Variants in CFAP45 observed in about 807,000 individuals in gnomAD.
CFAP45 encodes cilia- and flagella-associated protein 45.
CFAP45 carries 43 observed loss-of-function variants against 75.6 expected under a neutral mutation model. That is an observed-to-expected ratio of 0.57 (90% CI 0.45 to 0.73). The LOEUF (loss-of-function observed/expected upper bound fraction) is 0.73. Among genes scored for constraint, CFAP45 ranks in the 30% least tolerant of loss-of-function variants. The pLI is 0.00. For synonymous variants in CFAP45, 223 were observed against 244.6 expected (o/e 0.91, Z 0.82); for missense variants, 689 against 701.5 (o/e 0.98, Z 0.20).
intron 10 of CFAP45, among the ~76,000 whole-genome samples, chr1:159,875,010 T>C (rs747838091): frequency 1.3e-5 from 2 of 152,152 alleles, no homozygotes; most frequent in African/African-American, 2.4e-5. Context: ...GTGGCAGAGA[T>C]GCTTCTGAGT....
chr1:159,887,954 T>C lies in CFAP45; in HGVS notation c.475A>G (p.Asn159Asp), dbSNP rs754709147. 1 of 1,614,244 alleles carries C rather than the reference T, an allele frequency of 6.2e-7. No homozygotes were observed. Among genetic ancestry groups the C allele is most frequent in the East Asian group, 2.2e-5 (1 of 44,882 alleles). ...MKQKEMVWNN[N>D]KKLSDLEEVA... ...TCCTCCAGGTCACTGAGCTTCTTGT[T>C]GTTGTTCCACACCATCTCCTTCTGT... Residue 159 changes from asparagine (N) to aspartate (D), a missense_variant, in exon 5 of 12, where the codon AAC (asparagine) becomes GAC (aspartate). By Grantham distance (23) the Asn-to-Asp change is conservative. Coordinates refer to ENST00000368099, the MANE Select transcript of CFAP45 (RefSeq NM_012337.3).
chr1:159,886,304 C>T (rs9782894), intron 6 of CFAP45, among the ~76,000 whole-genome samples: 88,365 of 151,446 alleles, frequency 0.58, 27,509 homozygotes, highest in East Asian at 0.77. Context: ...TATGCCACTG[C>T]ACTCCAGAGC....
chr1:159,890,026 C>T (rs143705274), intron 3 of CFAP45, among the ~76,000 whole-genome samples: 3 of 152,324 alleles, frequency 2.0e-5, no homozygotes, highest in Admixed American at 6.5e-5. Context: ...CTGTGAATTT[C>T]TTCCTATGGC....
At chr1:159,892,026 C>G (rs997801310) in intron 2 of CFAP45, among the ~76,000 whole-genome samples, 1 of 152,156 alleles carries the variant, frequency 6.6e-6, no homozygotes, top group Non-Finnish European at 1.5e-5. Context: ...GAGACTTACG[C>G]CTGTAATCCC....
chr1:159,886,433 C>T, intron 6 of CFAP45, 78 bp downstream of exon 6: 1 of 1,210,566 alleles, frequency 8.3e-7, no homozygotes, highest in South Asian at 1.2e-5. Context: ...CTCATCTCTT[C>T]CCTCTTTGCT....
At chr1:159,888,078 G>A (rs1649734698) in intron 4 of CFAP45, 67 bp from the exon 5 acceptor site, 1 of 1,525,318 alleles carries the variant, frequency 6.6e-7, no homozygotes, top group Non-Finnish European at 9.0e-7. Flanking sequence ...GCGCTAGCCT[G>A]GCTACCACAG....
chr1:159,875,532 G>A (rs1649379901), intron 10 of CFAP45, among the ~76,000 whole-genome samples: 1 of 152,182 alleles, frequency 6.6e-6, no homozygotes, highest in Non-Finnish European at 1.5e-5. Flanking sequence ...AGGGGTCTGG[G>A]TAGCCTGGTC....
chr1:159,887,710 G>A, intron 5 of CFAP45, 131 bp downstream of exon 5: 2 of 907,642 alleles, frequency 2.2e-6, no homozygotes, highest in Non-Finnish European at 1.7e-6. Flanking sequence ...TACCACAGCA[G>A]GTGCAGCTCT....
intron 7 of CFAP45, among the ~76,000 whole-genome samples, chr1:159,883,624 ATATATATAT>A (rs759229039): frequency 2.3e-5 from 3 of 128,728 alleles, no homozygotes; most frequent in Admixed American, 1.4e-4. Flanking sequence ...TAACAATAAA[ATATATATAT>A]ATATATATAT....
intron 8 of CFAP45, among the ~76,000 whole-genome samples, chr1:159,877,748 G>A (rs1171056757): frequency 6.6e-6 from 1 of 152,082 alleles, no homozygotes; most frequent in African/African-American, 2.4e-5. Flanking sequence ...ATGGTGGCAT[G>A]TGCCTATAGT....
intron 2 of CFAP45, 51 bp downstream of exon 2, chr1:159,893,129 G>A: frequency 1.2e-6 from 2 of 1,603,926 alleles, no homozygotes; most frequent in African/African-American, 2.7e-5. Context: ...CTACATTTTT[G>A]GGCCTCTGCC....
chr1:159,895,233 G>A (rs1175225272), intron 1 of CFAP45, among the ~76,000 whole-genome samples: 1 of 152,154 alleles, frequency 6.6e-6, no homozygotes, highest in Non-Finnish European at 1.5e-5. Flanking sequence ...TTATGATAAA[G>A]CTGATTCAAA....
At chr1:159,891,543 T>C (rs1649831754) in intron 2 of CFAP45, among the ~76,000 whole-genome samples, 1 of 152,158 alleles carries the variant, frequency 6.6e-6, no homozygotes, top group Non-Finnish European at 1.5e-5. Flanking sequence ...TTCAAAATTC[T>C]CCGACCCTGA....
chr1:159,885,778 C>G (rs947374597), intron 6 of CFAP45, among the ~76,000 whole-genome samples: 1 of 151,538 alleles, frequency 6.6e-6, no homozygotes, highest in Non-Finnish European at 1.5e-5. Context: ...GTGATGGGCA[C>G]AGAGAAGGGA....
In CFAP45 at chr1:159,897,180, C is replaced by T. The variant is rs568140701; in HGVS notation, c.3+2916G>A. ...TTGGGAGGCTGAGGCGGAAGGATTG[C>T]TTGATCCCGGGAGGCAGAGGTTGCA... On this transcript the variant is annotated intron_variant, in intron 1 of 11. Coordinates refer to ENST00000368099, the MANE Select transcript of CFAP45 (RefSeq NM_012337.3). Among the ~76,000 whole-genome samples, 3 of 152,278 alleles carry T rather than the reference C, an allele frequency of 2.0e-5. No homozygotes were observed. The South Asian group carries it at 6.2e-4, about 32-fold the overall frequency.
intron 3 of CFAP45, among the ~76,000 whole-genome samples, chr1:159,889,054 G>A (rs1322606612): frequency 6.6e-6 from 1 of 152,114 alleles, no homozygotes; most frequent in East Asian, 1.9e-4. Context: ...GGGGACGCCA[G>A]ACAAGGTTGA....
At chr1:159,891,229 T>A (rs1234961243) in intron 2 of CFAP45, among the ~76,000 whole-genome samples, 1 of 152,214 alleles carries the variant, frequency 6.6e-6, no homozygotes, top group Non-Finnish European at 1.5e-5. Context: ...CATGAAAGAT[T>A]TTCCTTTATG....
At chr1:159,896,893 A>T (rs1021428982) in intron 1 of CFAP45, among the ~76,000 whole-genome samples, 3 of 152,368 alleles carry the variant, frequency 2.0e-5, no homozygotes, top group African/African-American at 7.2e-5. Context: ...TGATCAAACA[A>T]ATGATAATTT....
At chr1:159,898,057 A>C in intron 1 of CFAP45, 1 of 962,756 alleles carries the variant, frequency 1.0e-6, no homozygotes, top group Non-Finnish European at 1.2e-6. Context: ...CTTTTCCTAG[A>C]TGTCTTACCC....
Sources: allele counts gnomAD v4.1 joint callset (sites outside exome capture counted in the v4.1 genomes callset), GRCh38; gene constraint gnomAD v4.1.1; transcripts MANE v1.5; gene names NCBI Gene and HGNC (gene_info 2026-07-23, HGNC 2026-07-21).